The following SEMA3F variants were observed in gnomAD, a reference collection of about 807,000 sequenced individuals.
SEMA3F encodes the protein semaphorin-3F.
In SEMA3F, 30 loss-of-function variants were observed where a neutral mutation model predicts 98.5. The ratio of observed to expected loss-of-function variants is 0.30; its 90% confidence interval spans 0.23 to 0.41. SEMA3F has a LOEUF of 0.41. Among genes scored for constraint, SEMA3F ranks in the 10% least tolerant of loss-of-function variants. The pLI, the probability that SEMA3F is intolerant of heterozygous loss-of-function variation, is 1.00. For synonymous variants in SEMA3F, 380 were observed against 444.8 expected, an observed-to-expected ratio of 0.85 and a Z score of 1.83; for missense variants, 866 against 1,119.3, an observed-to-expected ratio of 0.77 and a Z score of 3.23.
At position 50,183,628 on chromosome 3, in the gene SEMA3F, T is replaced by C. The variant is rs2109116436; in HGVS notation, c.1233+64T>C. ...CTTCTAAGAGGCCTCTGGGTCAGGC[T>C]CTTTGCAACATGGGCCCCACCATCA... On this transcript the variant is annotated intron_variant, in intron 12 of 18. Coordinates refer to ENST00000002829, the MANE Select transcript of SEMA3F (RefSeq NM_004186.5). 3.2e-6 allele frequency: 5 copies of C among 1,558,908 alleles called. No individual in the cohort carries two copies. In the South Asian group the frequency reaches 5.8e-5, roughly 18 times the overall value.
chr3:50,175,035 C>A, intron 5 of SEMA3F, 61 bp from the exon 6 acceptor site: 1 of 1,218,746 alleles, frequency 8.2e-7, no homozygotes, highest in Non-Finnish European at 1.2e-6. Context: ...GCTGGCAGCC[C>A]GAGCCCGCTC....
intron 6 of SEMA3F, among the ~76,000 whole-genome samples, chr3:50,175,850 G>A (rs896135710): frequency 4.6e-5 from 7 of 152,144 alleles, no homozygotes; most frequent in Non-Finnish European, 8.8e-5. Flanking sequence ...GTGTGCTGGC[G>A]GTGATATGTT....
intron 2 of SEMA3F, among the ~76,000 whole-genome samples, chr3:50,171,506 C>G (rs1004476156): frequency 6.6e-6 from 1 of 152,110 alleles, no homozygotes; most frequent in Admixed American, 6.5e-5. Context: ...AGCCCCTCCC[C>G]CTGCCATTGC....
rs1487493829 is a variant in SEMA3F, at chr3:50,158,117, G to A, written c.-48-1458G>A. ...CCTTGAGGGTGACGGTGGCTGCACA[G>A]CCATTTCTCCCACCTGCCCCCACTT... On this transcript the variant is annotated intron_variant, in intron 1 of 18. Transcript: ENST00000002829. This position sits in a 1 kb window ranked among gnomAD's most constrained non-coding sequence, Gnocchi z 4.8. Among the ~76,000 whole-genome samples the A allele has an allele frequency of 6.6e-6, 1 of 152,178 alleles. No homozygotes were observed. Among genetic ancestry groups the A allele is most frequent in the Non-Finnish European group, 1.5e-5 (1 of 68,012 alleles).
intron 2 of SEMA3F, among the ~76,000 whole-genome samples, chr3:50,165,026 C>T (rs1698351818): frequency 6.6e-6 from 1 of 152,184 alleles, no homozygotes; most frequent in South Asian, 2.1e-4. Context: ...ACCCCTTCCT[C>T]CAGAATTCTA....
rs1175141193 is a variant in SEMA3F, at chr3:50,186,095, TATC to T, written c.1745+50_1745+52del. The T allele has an allele frequency of 2.6e-6, 4 of 1,557,150 alleles. No homozygotes were observed. In the South Asian group the frequency reaches 4.6e-5, roughly 18 times the overall value. ...ATTTTAGCAACCAGTCCCAGGGCCC[TATC>T]CTAGGGGATTGGGGGTGCATGTGAT... On this transcript the variant is annotated intron_variant, in intron 16 of 18. Transcript: ENST00000002829.
chr3:50,173,584 G>A (rs1698692948), intron 2 of SEMA3F, among the ~76,000 whole-genome samples: 1 of 152,246 alleles, frequency 6.6e-6, no homozygotes, highest in South Asian at 2.1e-4. Flanking sequence ...GGAGGTTGCA[G>A]TGAGCCGCAA....
intron 2 of SEMA3F, 75 bp downstream of exon 2, chr3:50,159,809 G>T: frequency 1.0e-6 from 1 of 998,374 alleles, no homozygotes; most frequent in Non-Finnish European, 1.6e-6. Context: ...GCACACGAGA[G>T]AAAGGGTGGG....
At chr3:50,175,334 C>T (rs1177439454) in intron 6 of SEMA3F, 146 bp downstream of exon 6, 1 of 640,262 alleles carries the variant, frequency 1.6e-6, no homozygotes, top group East Asian at 2.7e-5. Flanking sequence ...CCTGAAGAGC[C>T]CTCAGGCTCA....
Position 50,156,035 on chromosome 3 carries a change from G to C in SEMA3F, c.-49+471G>C, listed in dbSNP as rs1398330171. 6.6e-6 allele frequency: 1 copy of C among 152,234 alleles called. No homozygotes were observed. The highest frequency in any genetic ancestry group is 6.5e-5 in the Admixed American group (1 of 15,284). The allele number at this position is 152,234 out of a possible 1,614,324, so 9.4% of individuals were successfully genotyped here. ...AGCGGTATACTGGCAGTCCCCACGT[G>C]GGGGGTCTCCCACATCAGCAGAGTG... On this transcript the variant is annotated intron_variant, in intron 1 of 18. Coordinates refer to ENST00000002829, the MANE Select transcript of SEMA3F (RefSeq NM_004186.5). The surrounding 1 kb of genome is among the most constrained non-coding windows in gnomAD (Gnocchi z 4.5).
chr3:50,171,150 C>T (rs1440667058), intron 2 of SEMA3F, among the ~76,000 whole-genome samples: 1 of 152,200 alleles, frequency 6.6e-6, no homozygotes, highest in Non-Finnish European at 1.5e-5. Context: ...TCCCTCCACC[C>T]CCACCTCCAC....
intron 2 of SEMA3F, among the ~76,000 whole-genome samples, chr3:50,168,871 G>A (rs961977932): frequency 6.6e-6 from 1 of 152,204 alleles, no homozygotes; most frequent in African/African-American, 2.4e-5. Flanking sequence ...TCCGGTGGGT[G>A]AAACACTGAC....
chr3:50,159,793 T>A (rs1364166158), intron 2 of SEMA3F, 59 bp downstream of exon 2: 1 of 1,134,134 alleles, frequency 8.8e-7, no homozygotes, highest in South Asian at 1.3e-5. Context: ...AGCGCTCGGC[T>A]CCTCTGCACA....
intron 2 of SEMA3F, among the ~76,000 whole-genome samples, chr3:50,170,218 C>G (rs1698552930): frequency 6.6e-6 from 1 of 152,126 alleles, no homozygotes; most frequent in Non-Finnish European, 1.5e-5. Context: ...AGTTCCCACC[C>G]CTCTCCACCT....
At chr3:50,167,973 G>T (rs542016239) in intron 2 of SEMA3F, among the ~76,000 whole-genome samples, 25 of 152,244 alleles carry the variant, frequency 1.6e-4, no homozygotes, top group African/African-American at 6.0e-4. Flanking sequence ...AATTCAATCA[G>T]AGCGGTTATT....
Position 50,184,707 on chromosome 3 carries a change from G to C in SEMA3F, c.1349G>C (p.Arg450Pro). 1 of 1,614,116 alleles carries C rather than the reference G, an allele frequency of 6.2e-7. No homozygotes were observed. The change falls in exon 13 of 19, where the codon CGG (arginine) becomes CCG (proline). Residue 450 changes from arginine (R) to proline (P), a missense_variant. Physicochemically the swap from Arg to Pro is moderately radical, Grantham distance 103. Transcript: ENST00000002829. ...TACCAGGCCGTGTACCCTCTGCAGC[G>C]GCGGCCCCTGGTAGTCCGCACAGGT... ...LMYQAVYPLQ[R>P]RPLVVRTGAP... is the part of the protein sequence containing the mutation.
rs1699341380 is a variant in SEMA3F, at chr3:50,188,949, T to G, written c.*834T>G. 2.6e-5 allele frequency: 4 copies of G among 151,932 alleles called. No homozygotes were observed. In the South Asian group the frequency reaches 8.3e-4, roughly 32 times the overall value. The allele number at this position is 151,932 out of a possible 1,614,324, so 9.4% of individuals were successfully genotyped here. ...TATGTCCACCACTTCAGGGGATGGG[T>G]GTGGATGTAATTAGCTCTGGGGGGC... On this transcript the variant is annotated 3_prime_UTR_variant, in exon 19 of 19. Coordinates refer to ENST00000002829, the MANE Select transcript of SEMA3F (RefSeq NM_004186.5). This position sits in a 1 kb window ranked among gnomAD's most constrained non-coding sequence, Gnocchi z 4.5.
At position 50,161,550 on chromosome 3, in the gene SEMA3F, T is replaced by C. The variant is rs575810077; in HGVS notation, c.112+1816T>C. ...CGGTTGTGGCGGCCTGGGGTGGGGCTGCAGCGCACCTGGGGCCACCCATCC... is the reference window on the plus strand; with the variant it reads ...CGGTTGTGGCGGCCTGGGGTGGGGCCGCAGCGCACCTGGGGCCACCCATCC... On this transcript the variant is annotated intron_variant, in intron 2 of 18. Coordinates refer to ENST00000002829, the MANE Select transcript of SEMA3F (RefSeq NM_004186.5). Among the ~76,000 whole-genome samples the C allele has an allele frequency of 3.0e-4, 45 of 152,368 alleles. No homozygotes were observed. In the East Asian group the frequency reaches 8.5e-3, roughly 29 times the overall value.
chr3:50,175,395 C>G (rs1698772830), intron 6 of SEMA3F, among the ~76,000 whole-genome samples: 1 of 152,170 alleles, frequency 6.6e-6, no homozygotes. Flanking sequence ...CCCCTGCAGG[C>G]AAGAAATAAT....
Sources: gnomAD v4.1 joint callset for allele counts (sites outside exome capture counted in the v4.1 genomes callset) on GRCh38, gnomAD v4.1.1 for gene constraint, Gnocchi (gnomAD v3.1) non-coding constraint, MANE v1.5 for transcripts, NCBI Gene and HGNC (gene_info 2026-07-23, HGNC 2026-07-21) for gene names.